ATP9B: variants seen among roughly 807,000 people sequenced by gnomAD.
ATP9B encodes the protein probable phospholipid-transporting ATPase IIB.
A neutral mutation model predicts 146.1 loss-of-function variants in ATP9B; 110 were observed. The observed-to-expected ratio is 0.75, with a 90% CI of 0.65 to 0.88. The LOEUF (loss-of-function observed/expected upper bound fraction) is 0.88. Ranked by LOEUF, ATP9B falls within the 40% of genes least tolerant of loss-of-function variation. The probability of loss-of-function intolerance (pLI) is 0.00; values close to 1 mark genes in which losing one functional copy is unlikely to be tolerated. For synonymous variants in ATP9B, 604 were observed against 569.7 expected (o/e 1.06, Z -0.86); for missense variants, 1,499 against 1,496.4 (o/e 1.00, Z -0.03).
intron 8 of ATP9B, among the ~76,000 whole-genome samples, chr18:79,190,509 T>TACACACAC (rs1491116061): frequency 1.0e-5 from 1 of 95,408 alleles, no homozygotes; most frequent in East Asian, 3.4e-4. Flanking sequence ...CCTTTTTATT[T>TACACACAC]ATACACACAC....
chr18:79,239,495 G>A lies in ATP9B; in HGVS notation c.1108-13886G>A, dbSNP rs565776480. Among the ~76,000 whole-genome samples, 110 of 152,282 alleles carry A rather than the reference G, an allele frequency of 7.2e-4. No individual in the cohort carries two copies. Among genetic ancestry groups the A allele is most frequent in the Middle Eastern group, 3.4e-3 (1 of 294 alleles). ...AGTCTGCTGTGGCAGGGACAGGGAC[G>A]TAGGACGATGGTGTCACGGCACTTA... On this transcript the variant is annotated intron_variant, in intron 11 of 29. Transcript: ENST00000426216. This position sits in a 1 kb window ranked among gnomAD's most constrained non-coding sequence, Gnocchi z 5.1.
At chr18:79,112,425 C>G (rs1377209020) in intron 3 of ATP9B, among the ~76,000 whole-genome samples, 1 of 152,122 alleles carries the variant, frequency 6.6e-6, no homozygotes, top group East Asian at 1.9e-4. Flanking sequence ...GTTTTCTTCT[C>G]TAAAGATAAC....
At chr18:79,171,222 T>C (rs965281560) in intron 7 of ATP9B, among the ~76,000 whole-genome samples, 29 of 152,238 alleles carry the variant, frequency 1.9e-4, no homozygotes, top group African/African-American at 6.8e-4. Flanking sequence ...TAAATCTGAT[T>C]GTTGCTTCAG....
chr18:79,356,026 T>G (rs952736219), intron 25 of ATP9B, among the ~76,000 whole-genome samples: 3 of 152,138 alleles, frequency 2.0e-5, no homozygotes, highest in African/African-American at 7.2e-5. Flanking sequence ...CCAGCAGTGC[T>G]TAAAGATTCT....
At chr18:79,170,765 G>T (rs1436424074) in intron 7 of ATP9B, among the ~76,000 whole-genome samples, 2 of 152,176 alleles carry the variant, frequency 1.3e-5, no homozygotes, top group Non-Finnish European at 2.9e-5. Context: ...TAGTTCGTCT[G>T]CTGAGCTACT....
At chr18:79,338,276 A>C (rs916215952) in intron 19 of ATP9B, among the ~76,000 whole-genome samples, 1 of 152,348 alleles carries the variant, frequency 6.6e-6, no homozygotes, top group South Asian at 2.1e-4. Flanking sequence ...AGCCTGCCCC[A>C]GAGACGCCTG....
Position 79,154,521 on chromosome 18 carries a change from G to T in ATP9B, c.744G>T (p.Ser248=). Residue 248 remains serine, a synonymous_variant, in exon 7 of 30, where the codon TCG becomes TCT. Coordinates refer to ENST00000426216, the MANE Select transcript of ATP9B (RefSeq NM_198531.5). ...CTTTGCAGAATCAAAGAATTCCATC[G>T]GACATGGTGTTTCTTAGGACTTCAG... ...IIVEKNQRIP[S]DMVFLRTSEK... The T allele has an allele frequency of 6.5e-7, 1 of 1,535,470 alleles. No individual in the cohort carries two copies.
At chr18:79,251,485 A>G (rs559494732) in intron 11 of ATP9B, among the ~76,000 whole-genome samples, 2 of 152,356 alleles carry the variant, frequency 1.3e-5, no homozygotes, top group African/African-American at 4.8e-5. Context: ...ATTAGCTTGT[A>G]GGTAAAATCT....
intron 11 of ATP9B, among the ~76,000 whole-genome samples, chr18:79,216,863 TAA>T (rs1374795142): frequency 1.3e-5 from 2 of 152,270 alleles, no homozygotes; most frequent in East Asian, 3.8e-4. Context: ...CAACCTGATG[TAA>T]AAGTGTTCTT....
intron 12 of ATP9B, among the ~76,000 whole-genome samples, chr18:79,265,194 T>C (rs1397378615): frequency 6.6e-6 from 1 of 152,244 alleles, no homozygotes; most frequent in Non-Finnish European, 1.5e-5. Context: ...GTTTCTGCGA[T>C]AGTTTGCTAA....
intron 7 of ATP9B, among the ~76,000 whole-genome samples, chr18:79,163,867 TATACACACAC>T (rs2094921579): frequency 1.3e-5 from 1 of 77,762 alleles, no homozygotes; most frequent in South Asian, 3.7e-4. Flanking sequence ...TATTTTATTT[TATACACACAC>T]ACACACACAC....
In ATP9B at chr18:79,277,106, A is replaced by C. The variant is rs1296807560; in HGVS notation, c.1321A>C (p.Lys441Gln). 1.2e-6 allele frequency: 2 copies of C among 1,614,192 alleles called. No individual in the cohort carries two copies. The highest frequency in any genetic ancestry group is 8.5e-7 in the Non-Finnish European group (1 of 1,180,028). The change falls in exon 13 of 30, where the codon AAA becomes CAA. Residue 441 changes from lysine (K) to glutamine (Q), a missense_variant. Physicochemically the swap from Lys to Gln is moderately conservative, Grantham distance 53. Transcript: ENST00000426216. ...GKAVYGWMMM[K>Q]DENIPGTVVR... ...AGCGGTGTATGGATGGATGATGATG[A>C]AAGATGAGAACATCCCTGGCACGGT...
chr18:79,124,524 T>C (rs879927427), intron 4 of ATP9B, among the ~76,000 whole-genome samples: 2 of 152,240 alleles, frequency 1.3e-5, no homozygotes, highest in African/African-American at 2.4e-5. Flanking sequence ...ATGGCTTCTT[T>C]TTCCTTGAGT....
At chr18:79,192,522 A>G (rs2095377482) in intron 8 of ATP9B, among the ~76,000 whole-genome samples, 1 of 152,166 alleles carries the variant, frequency 6.6e-6, no homozygotes, top group South Asian at 2.1e-4. Flanking sequence ...TTGCCTCTGG[A>G]GACTTTCTGA....
At chr18:79,204,287 G>T (rs1280947017) in intron 9 of ATP9B, among the ~76,000 whole-genome samples, 1 of 152,134 alleles carries the variant, frequency 6.6e-6, no homozygotes. Flanking sequence ...TACTGTGCAG[G>T]AGCTTAATTT....
intron 15 of ATP9B, among the ~76,000 whole-genome samples, chr18:79,320,230 G>T (rs1462401514): frequency 6.6e-6 from 1 of 152,222 alleles, no homozygotes; most frequent in African/African-American, 2.4e-5. Context: ...GGACCTGTGT[G>T]GGGAACTGAG....
chr18:79,165,296 G>A (rs1314604300), intron 7 of ATP9B, among the ~76,000 whole-genome samples: 1 of 152,218 alleles, frequency 6.6e-6, no homozygotes. Flanking sequence ...TCCAGAGCAG[G>A]CATTCTCACC....
intron 8 of ATP9B, among the ~76,000 whole-genome samples, chr18:79,184,469 G>A (rs760697415): frequency 5.3e-5 from 8 of 151,776 alleles, no homozygotes; most frequent in Admixed American, 2.6e-4. Context: ...TCTCATCCTC[G>A]CTCTGCTTCC....
At chr18:79,105,174 T>G (rs2075572789) in intron 2 of ATP9B, among the ~76,000 whole-genome samples, 1 of 152,238 alleles carries the variant, frequency 6.6e-6, no homozygotes, top group Non-Finnish European at 1.5e-5. Flanking sequence ...AGAACCAAAC[T>G]ATACATTTAG....
Sources: gnomAD v4.1 joint callset for allele counts (sites outside exome capture counted in the v4.1 genomes callset) on GRCh38, gnomAD v4.1.1 for gene constraint, Gnocchi (gnomAD v3.1) non-coding constraint, MANE v1.5 for transcripts, NCBI Gene and HGNC (gene_info 2026-07-23, HGNC 2026-07-21) for gene names.